The following LRFN2 variants were observed in gnomAD, a reference collection of about 807,000 sequenced individuals.
The protein encoded by LRFN2 is leucine-rich repeat and fibronectin type-III domain-containing protein 2.
A neutral mutation model predicts 37.3 loss-of-function variants in LRFN2; 18 were observed. The observed-to-expected ratio is 0.48, with a 90% CI of 0.33 to 0.72. The LOEUF (loss-of-function observed/expected upper bound fraction) is 0.72, where lower values mean the gene tolerates loss of function less well. Ranked by LOEUF, LRFN2 falls within the 30% of genes least tolerant of loss-of-function variation. LRFN2 has a pLI of 0.02. For synonymous variants in LRFN2, 556 were observed against 466.6 expected (o/e 1.19, Z -2.47); for missense variants, 1,006 against 1,060.7 (o/e 0.95, Z 0.72).
chr6:40,524,637 T>C (rs886207462), intron 1 of LRFN2, among the ~76,000 whole-genome samples: 1 of 152,208 alleles, frequency 6.6e-6, no homozygotes, highest in Admixed American at 6.5e-5. Flanking sequence ...TTAAACTGTG[T>C]CTTTTCATGT....
At chr6:40,417,911 TC>T (rs1763133217) in intron 2 of LRFN2, among the ~76,000 whole-genome samples, 1 of 152,094 alleles carries the variant, frequency 6.6e-6, no homozygotes, top group African/African-American at 2.4e-5. Flanking sequence ...TCTGCAACCA[TC>T]CCGTAACTGG....
chr6:40,472,356 T>C (rs1764618521), intron 1 of LRFN2, among the ~76,000 whole-genome samples: 1 of 152,262 alleles, frequency 6.6e-6, no homozygotes, highest in African/African-American at 2.4e-5. Context: ...CACTTTTCAC[T>C]GCTTGCCTGA....
chr6:40,518,111 C>T (rs1765937764), intron 1 of LRFN2, among the ~76,000 whole-genome samples: 1 of 152,152 alleles, frequency 6.6e-6, no homozygotes, highest in African/African-American at 2.4e-5. Flanking sequence ...TGGGTGAATG[C>T]CTAGCTCCCT....
At chr6:40,451,636 G>C (rs531978659) in intron 1 of LRFN2, among the ~76,000 whole-genome samples, 1 of 152,274 alleles carries the variant, frequency 6.6e-6, no homozygotes, top group Middle Eastern at 3.4e-3. Context: ...ACTAGAATTC[G>C]GTGGTGCCGT....
intron 2 of LRFN2, among the ~76,000 whole-genome samples, chr6:40,393,474 G>GGAAAA (rs1561836701): frequency 7.6e-4 from 116 of 152,120 alleles, no homozygotes; most frequent in African/African-American, 2.7e-3. Flanking sequence ...GCATTTAGAG[G>GGAAAA]TGGAGGGAAA....
intron 1 of LRFN2, among the ~76,000 whole-genome samples, chr6:40,504,439 C>T (rs993801840): frequency 3.3e-5 from 5 of 152,184 alleles, no homozygotes; most frequent in South Asian, 2.1e-4. Flanking sequence ...ACCAATCCTC[C>T]GGTCACAACA....
chr6:40,486,607 T>C lies in LRFN2; in HGVS notation c.-18-53476A>G, dbSNP rs78927077. Reference sequence around the variant, plus strand: ...CTGGGTGGAGAATGAGCAACAGAAGTGTCCCATGGTTAGGATGAGGCCGCC... The same window carrying C: ...CTGGGTGGAGAATGAGCAACAGAAGCGTCCCATGGTTAGGATGAGGCCGCC... On this transcript the variant is annotated intron_variant, in intron 1 of 2. Transcript: ENST00000338305. 8.4e-3 allele frequency among the ~76,000 whole-genome samples: 1,286 copies of C among 152,192 alleles called. 21 individuals are homozygous for C. Among genetic ancestry groups the C allele is most frequent in the African/African-American group, 0.03 (1,231 of 41,506 alleles).
At chr6:40,433,741 AC>A (rs1763574551) in intron 1 of LRFN2, among the ~76,000 whole-genome samples, 1 of 152,200 alleles carries the variant, frequency 6.6e-6, no homozygotes, top group African/African-American at 2.4e-5. Context: ...TCAGTGGGGA[AC>A]TGTTTCACCA....
chr6:40,566,449 G>A lies in LRFN2; in HGVS notation c.-19+20492C>T, dbSNP rs537770815. On this transcript the variant is annotated intron_variant, in intron 1 of 2. Transcript: ENST00000338305. ...CACATGCACACGTATGTTTATTGCCGCGCTATTCACAATAGCAAAGACTTG... is the reference window on the plus strand; with the variant it reads ...CACATGCACACGTATGTTTATTGCCACGCTATTCACAATAGCAAAGACTTG... Among the ~76,000 whole-genome samples, 82 of 152,252 alleles carry A rather than the reference G, an allele frequency of 5.4e-4. No homozygotes were observed. In the South Asian group the frequency reaches 6.4e-3, roughly 12 times the overall value.
rs1202054790 is a variant in LRFN2, at chr6:40,435,052, T to TAGAGAGAGAG, written c.-18-1931_-18-1922dup. On this transcript the variant is annotated intron_variant, in intron 1 of 2. Transcript: ENST00000338305. ...ATATATATATATATATATATATATA[T>TAGAGAGAGAG]AGAGAGAGAGAGAGAGAGAGAGAGA... Among the ~76,000 whole-genome samples the TAGAGAGAGAG allele has an allele frequency of 3.2e-3, 119 of 37,528 alleles. 1 individual carries two copies. The highest frequency in any genetic ancestry group is 3.8e-3 in the Non-Finnish European group (77 of 20,336). 24.6% of individuals were successfully genotyped at this position (37,528 alleles called of 152,430 possible).
chr6:40,562,778 A>G lies in LRFN2; in HGVS notation c.-19+24163T>C, dbSNP rs1581796119. ...AAGACATTCCTAGAAATTGACTCCT[A>G]AGCCTCCATGGTACATGCAAAGGCA... On this transcript the variant is annotated intron_variant, in intron 1 of 2. Coordinates refer to ENST00000338305, the MANE Select transcript of LRFN2 (RefSeq NM_020737.3). Among the ~76,000 whole-genome samples, 3 of 151,720 alleles carry G rather than the reference A, an allele frequency of 2.0e-5. No individual in the cohort carries two copies. In the East Asian group the frequency reaches 5.9e-4, roughly 30 times the overall value.
At position 40,559,085 on chromosome 6, in the gene LRFN2, G is replaced by C. The variant is rs1193932211; in HGVS notation, c.-19+27856C>G. Among the ~76,000 whole-genome samples the C allele has an allele frequency of 2.6e-5, 4 of 152,134 alleles. No individual in the cohort carries two copies. The East Asian group carries it at 7.8e-4, about 30-fold the overall frequency. ...GGCATGGGGAAGAGCATATGTTGGG[G>C]TGTCAGGATGGTAAGAGATGAAGCC... is the stretch of plus-strand genomic sequence containing the variant. On this transcript the variant is annotated intron_variant, in intron 1 of 2. Coordinates refer to ENST00000338305, the MANE Select transcript of LRFN2 (RefSeq NM_020737.3).
intron 1 of LRFN2, among the ~76,000 whole-genome samples, chr6:40,496,531 T>TG (rs1229592107): frequency 2.0e-5 from 3 of 151,950 alleles, no homozygotes; most frequent in Non-Finnish European, 4.4e-5. Flanking sequence ...TTAGAATCTT[T>TG]GCACTGATTA....
At chr6:40,503,824 G>C (rs1765453718) in intron 1 of LRFN2, among the ~76,000 whole-genome samples, 1 of 152,106 alleles carries the variant, frequency 6.6e-6, no homozygotes, top group South Asian at 2.1e-4. Flanking sequence ...TGAGAAGTCA[G>C]ATAAGAAGAG....
chr6:40,437,501 A>C (rs1430627098), intron 1 of LRFN2, among the ~76,000 whole-genome samples: 1 of 152,342 alleles, frequency 6.6e-6, no homozygotes, highest in South Asian at 2.1e-4. Context: ...GTTTGAAAAA[A>C]GTTTGTGGAG....
At chr6:40,436,935 A>C (rs955693635) in intron 1 of LRFN2, among the ~76,000 whole-genome samples, 1 of 152,188 alleles carries the variant, frequency 6.6e-6, no homozygotes, top group African/African-American at 2.4e-5. Flanking sequence ...CCACGAGAGC[A>C]CATGAACAGC....
At chr6:40,519,474 AT>A (rs1318001257) in intron 1 of LRFN2, among the ~76,000 whole-genome samples, 1 of 152,192 alleles carries the variant, frequency 6.6e-6, no homozygotes, top group East Asian at 1.9e-4. Context: ...GGCCAACAGA[AT>A]AAAGTGGAAG....
At position 40,432,198 on chromosome 6, in the gene LRFN2, C is replaced by T. The variant is rs755396152; in HGVS notation, c.916G>A (p.Ala306Thr). The change falls in exon 2 of 3, where the codon GCC becomes ACC. Residue 306 changes from alanine (A) to threonine (T), a missense_variant. Ala to Thr is a moderately conservative substitution (Grantham distance 58). Around this residue, in one of 4 missense-constraint regions of LRFN2, gnomAD observed 303 missense variants for 299.8 expected, o/e 1.01. Transcript: ENST00000338305. ...CCAATGGCTTTGCACTTGAGTGTGG[C>T]CGCCTGGCCCTCCAGAACCAGCAAC... The part of the protein sequence containing the change: ...HKLLVLEGQA[A>T]TLKCKAIGDP... 5 of 1,613,746 alleles carry T rather than the reference C, an allele frequency of 3.1e-6. No individual in the cohort carries two copies. The African/African-American group carries it at 4.0e-5, about 13-fold the overall frequency.
At chr6:40,529,206 G>A (rs747884361) in intron 1 of LRFN2, among the ~76,000 whole-genome samples, 6 of 152,106 alleles carry the variant, frequency 3.9e-5, no homozygotes, top group South Asian at 4.1e-4. Flanking sequence ...AAGTCACTGC[G>A]AGGCTGTGAG....
Sources: allele counts gnomAD v4.1 joint callset (sites outside exome capture counted in the v4.1 genomes callset), GRCh38; gene constraint gnomAD v4.1.1; regional missense constraint gnomAD v4.1.1; transcripts MANE v1.5; gene names NCBI Gene and HGNC (gene_info 2026-07-23, HGNC 2026-07-21).